The following JAKMIP3 variants were observed in gnomAD, a reference collection of about 807,000 sequenced individuals.
JAKMIP3 encodes the protein janus kinase and microtubule-interacting protein 3.
JAKMIP3 carries 58 observed loss-of-function variants against 118.5 expected under a neutral mutation model. That is an observed-to-expected ratio of 0.49 (90% confidence interval 0.40 to 0.61). JAKMIP3 has a LOEUF of 0.61. JAKMIP3 is among the 20% of genes least tolerant of loss of function. The pLI is 0.00. For missense variants in JAKMIP3, 950 were observed against 1,109.0 expected (o/e 0.86, Z 2.04); for synonymous variants, 486 against 451.2 (o/e 1.08, Z -0.98).
At chr10:132,063,079 G>C (rs1429868359), upstream of JAKMIP3, among the ~76,000 whole-genome samples, 2 of 152,176 alleles carry the variant, frequency 1.3e-5, no homozygotes, top group Admixed American at 6.5e-5. Context: ...ATCAGCGATG[G>C]AGCAGCAGAG....
intron 9 of JAKMIP3, among the ~76,000 whole-genome samples, chr10:132,139,221 C>T (rs2052665419): frequency 1.0e-5 from 1 of 100,378 alleles, no homozygotes; most frequent in Non-Finnish European, 2.0e-5. Context: ...TATGTGTGTA[C>T]ATGTGAGTGT....
intron 23 of JAKMIP3, among the ~76,000 whole-genome samples, chr10:132,173,405 A>T (rs1325355794): frequency 6.6e-6 from 1 of 151,180 alleles, no homozygotes; most frequent in East Asian, 2.0e-4. Flanking sequence ...CGGCCCTGGC[A>T]TACACCCATG....
At chr10:132,092,099 C>A (rs529087681) in intron 1 of JAKMIP3, among the ~76,000 whole-genome samples, 44 of 152,162 alleles carry the variant, frequency 2.9e-4, no homozygotes, top group Non-Finnish European at 6.0e-4. Context: ...CTGGCCCCCA[C>A]TCTCTTCTGG....
At chr10:132,072,622 G>A (rs1280894040) in intron 1 of JAKMIP3, among the ~76,000 whole-genome samples, 1 of 152,104 alleles carries the variant, frequency 6.6e-6, no homozygotes. Context: ...ATTTAGTGAT[G>A]CGATTGGATT....
upstream of JAKMIP3, among the ~76,000 whole-genome samples, chr10:132,064,478 C>T (rs756330170): frequency 1.3e-4 from 20 of 151,924 alleles, no homozygotes; most frequent in Non-Finnish European, 2.2e-4. This position sits in a 1 kb window ranked among gnomAD's most constrained non-coding sequence, Gnocchi z 4.4. Context: ...TTCAGGGCAA[C>T]ACGGGAGGGG....
intron 13 of JAKMIP3, among the ~76,000 whole-genome samples, chr10:132,146,013 T>C (rs568602897): frequency 1.3e-5 from 2 of 152,282 alleles, no homozygotes; most frequent in South Asian, 4.1e-4. Flanking sequence ...GAAGAGCCCA[T>C]GGACCAGCCT....
chr10:132,115,557 C>T (rs978404733), intron 2 of JAKMIP3, among the ~76,000 whole-genome samples: 9 of 152,192 alleles, frequency 5.9e-5, no homozygotes, highest in African/African-American at 1.9e-4. Context: ...ACCTGTGACT[C>T]GGTGCCAGCA....
At chr10:132,162,020 C>G (rs9419211) in intron 19 of JAKMIP3, among the ~76,000 whole-genome samples, 14,440 of 147,390 alleles carry the variant, frequency 0.098, 2,194 homozygotes, top group East Asian at 0.57. Flanking sequence ...CACACTCGCC[C>G]GGTTCTCTCC....
chr10:132,133,645 C>G, intron 4 of JAKMIP3, 118 bp downstream of exon 4: 6 of 932,482 alleles, frequency 6.4e-6, no homozygotes, highest in Non-Finnish European at 9.7e-6. Context: ...TGAGGCAGCA[C>G]CCTCCTGCCT....
chr10:132,156,592 C>T (rs2057122004), intron 19 of JAKMIP3, among the ~76,000 whole-genome samples: 1 of 152,160 alleles, frequency 6.6e-6, no homozygotes, highest in Non-Finnish European at 1.5e-5. Context: ...CAGTTTGGTA[C>T]CTCGTCTCCT....
At chr10:132,113,922 C>G (rs939858016) in intron 2 of JAKMIP3, among the ~76,000 whole-genome samples, 4 of 152,192 alleles carry the variant, frequency 2.6e-5, no homozygotes, top group African/African-American at 9.7e-5. Flanking sequence ...CGTTACTGTC[C>G]CGTCCTTCGC....
In JAKMIP3 at chr10:132,153,828, G is replaced by A; in HGVS notation, c.2142+1G>A. The A allele has an allele frequency of 5.0e-6, 8 of 1,613,164 alleles. No homozygotes were observed. The highest frequency in any genetic ancestry group is 6.8e-6 in the Non-Finnish European group (8 of 1,179,840). ...GATGGTGGATCTGGAGAGCGAGAAG[G>A]TTGGTGGCACCTTCACCGAGGTTCT... On this transcript the variant is annotated splice_donor_variant, in intron 18 of 23. Coordinates refer to ENST00000684848, the MANE Select transcript of JAKMIP3 (RefSeq NM_001323087.2). LOFTEE classifies it high-confidence loss of function.
intron 19 of JAKMIP3, among the ~76,000 whole-genome samples, chr10:132,155,689 G>A (rs1417692079): frequency 6.6e-6 from 1 of 152,200 alleles, no homozygotes; most frequent in African/African-American, 2.4e-5. Context: ...GGGCATGGAG[G>A]CTGGCCCTGG....
chr10:132,145,228 C>A, intron 12 of JAKMIP3, 38 bp downstream of exon 12: 1 of 1,513,898 alleles, frequency 6.6e-7, no homozygotes, highest in Non-Finnish European at 9.1e-7. Flanking sequence ...TGGGGGCACA[C>A]GTGGGTGGGA....
intron 1 of JAKMIP3, among the ~76,000 whole-genome samples, chr10:132,076,719 A>G (rs1409379609): frequency 7.0e-5 from 8 of 113,476 alleles, no homozygotes; most frequent in African/African-American, 1.8e-4. Flanking sequence ...CCGTGTGAGG[A>G]CTGGCCTGCA....
chr10:132,096,949 A>T (rs2043952226), intron 1 of JAKMIP3, among the ~76,000 whole-genome samples: 1 of 152,228 alleles, frequency 6.6e-6, no homozygotes. Context: ...TCCTCCAGCC[A>T]CAGAACCAGT....
chr10:132,171,438 G>A (rs962395946), intron 23 of JAKMIP3, among the ~76,000 whole-genome samples: 3 of 152,162 alleles, frequency 2.0e-5, no homozygotes, highest in Non-Finnish European at 2.9e-5. Context: ...GAGGAATTGC[G>A]ACAATGTCCG....
rs1008837492 is a variant in JAKMIP3 at position 132,168,476 on chromosome 10, G to C, written c.*546G>C. On this transcript the variant is annotated 3_prime_UTR_variant, in exon 23 of 24. Coordinates refer to ENST00000684848, the MANE Select transcript of JAKMIP3 (RefSeq NM_001323087.2). The stretch of plus-strand genomic sequence containing the variant: ...GATGGTCCTGGGAGGGCTCCCCGAC[G>C]CCTCAGGGGCCCCTCCGATGCTGCA... 1 of 1,084,810 alleles carries C rather than the reference G, an allele frequency of 9.2e-7. No individual in the cohort carries two copies. Among genetic ancestry groups the C allele is most frequent in the African/African-American group, 1.6e-5 (1 of 60,786 alleles). 67.2% of individuals were successfully genotyped at this position (1,084,810 alleles called of 1,614,324 possible). A position where few individuals can be genotyped will look rare whatever the true frequency, so the allele number is the denominator to read the frequency against.
chr10:132,038,747 C>A (rs1205434398), intron 1 of JAKMIP3, among the ~76,000 whole-genome samples: 2 of 147,658 alleles, frequency 1.4e-5, no homozygotes, highest in Admixed American at 6.9e-5. Context: ...GAGCTGAGAT[C>A]GCGCCACTGC....
Sources: gnomAD v4.1 joint callset for allele counts (sites outside exome capture counted in the v4.1 genomes callset) on GRCh38, gnomAD v4.1.1 for gene constraint, Gnocchi (gnomAD v3.1) non-coding constraint, MANE v1.5 for transcripts, NCBI Gene and HGNC (gene_info 2026-07-23, HGNC 2026-07-21) for gene names.